SYT1: variants seen among roughly 807,000 people sequenced by gnomAD.
SYT1 encodes synaptotagmin-1.
SYT1 carries 8 observed loss-of-function variants against 44.8 expected under a neutral mutation model. That is an observed-to-expected ratio of 0.18 (90% CI 0.10 to 0.32). SYT1 has a LOEUF of 0.32. Among genes scored for constraint, SYT1 ranks in the 10% least tolerant of loss-of-function variants. SYT1 has a pLI of 1.00. For missense variants in SYT1, 286 were observed against 509.3 expected (o/e 0.56, Z 4.22); for synonymous variants, 154 against 188.8 (o/e 0.82, Z 1.51).
chr12:78,918,488 G>A (rs1592558672), intron 1 of SYT1, among the ~76,000 whole-genome samples: 1 of 152,072 alleles, frequency 6.6e-6, no homozygotes, highest in East Asian at 1.9e-4. Context: ...TGCCCTGTGG[G>A]TATATGAGCT....
At chr12:79,043,969 G>T (rs1433975724) in intron 2 of SYT1, among the ~76,000 whole-genome samples, 2 of 152,134 alleles carry the variant, frequency 1.3e-5, no homozygotes, top group East Asian at 1.9e-4. Context: ...CTCTCTTCTG[G>T]CTTGTAGGGT....
intron 8 of SYT1, among the ~76,000 whole-genome samples, chr12:79,342,656 A>G (rs1882430856): frequency 1.3e-5 from 2 of 152,248 alleles, no homozygotes; most frequent in African/African-American, 4.8e-5. Context: ...GATGGAAACA[A>G]GTGAACTTAT....
At position 79,285,690 on chromosome 12, in the gene SYT1, G is replaced by A. The variant is rs1879274281; in HGVS notation, c.167-97G>A. 9 of 918,642 alleles carry A rather than the reference G, an allele frequency of 9.8e-6. No individual in the cohort carries two copies. The African/African-American group carries it at 1.0e-4, about 10-fold the overall frequency. The allele number at this position is 918,642 out of a possible 1,614,324, so 56.9% of individuals were successfully genotyped here. A position where few individuals can be genotyped will look rare whatever the true frequency, so the allele number is the denominator to read the frequency against. On this transcript the variant is annotated intron_variant, in intron 4 of 10. Coordinates refer to ENST00000261205, the MANE Select transcript of SYT1 (RefSeq NM_005639.3). ...TGCAGCATAACAGGTGCTCAAAAAT[G>A]CAAATGAAAAAAATGAATATCTTTA...
chr12:79,245,350 C>T (rs1289035790), intron 4 of SYT1, among the ~76,000 whole-genome samples: 1 of 149,794 alleles, frequency 6.7e-6, no homozygotes, highest in Non-Finnish European at 1.5e-5. Flanking sequence ...TAGCGGGCGC[C>T]TGTAGTCCCA....
intron 1 of SYT1, among the ~76,000 whole-genome samples, chr12:78,938,773 C>T (rs1031520344): frequency 6.6e-5 from 10 of 152,196 alleles, no homozygotes; most frequent in Non-Finnish European, 1.0e-4. Context: ...GGAAGTATAA[C>T]TCTGTACAGT....
chr12:78,979,028 C>T (rs936197103), intron 2 of SYT1, among the ~76,000 whole-genome samples: 6 of 152,122 alleles, frequency 3.9e-5, no homozygotes, highest in African/African-American at 1.2e-4. Flanking sequence ...CAGTAAGATA[C>T]CACAGTGTAG....
At chr12:78,883,100 A>G (rs551943659) in intron 1 of SYT1, among the ~76,000 whole-genome samples, 1 of 151,852 alleles carries the variant, frequency 6.6e-6, no homozygotes, top group Non-Finnish European at 1.5e-5. Context: ...ATGTCAAAAA[A>G]TCTCTGAGAT....
At chr12:79,068,069 A>G (rs1038333792) in intron 3 of SYT1, among the ~76,000 whole-genome samples, 2 of 152,190 alleles carry the variant, frequency 1.3e-5, no homozygotes, top group African/African-American at 4.8e-5. Flanking sequence ...CAATCTTATC[A>G]ATTTGGGTTG....
At chr12:78,996,493 G>T (rs60166541) in intron 2 of SYT1, among the ~76,000 whole-genome samples, 1,550 of 152,266 alleles carry the variant, frequency 0.01, 33 homozygotes, top group African/African-American at 0.035. Flanking sequence ...TGTTAAAGCC[G>T]TGGGGAAGAG....
At chr12:79,197,421 C>G (rs538130945) in intron 3 of SYT1, among the ~76,000 whole-genome samples, 1 of 152,204 alleles carries the variant, frequency 6.6e-6, no homozygotes, top group South Asian at 2.1e-4. Flanking sequence ...TGGGCTAGCT[C>G]TAAGTGAGCT....
chr12:79,060,983 T>A (rs1452041154), intron 3 of SYT1, among the ~76,000 whole-genome samples: 1 of 152,136 alleles, frequency 6.6e-6, no homozygotes, highest in Non-Finnish European at 1.5e-5. Context: ...CTGTCTTCAT[T>A]TGATTATCTG....
intron 3 of SYT1, among the ~76,000 whole-genome samples, chr12:79,121,896 A>T (rs186855902): frequency 5.5e-4 from 84 of 152,354 alleles, no homozygotes; most frequent in African/African-American, 1.9e-3. Flanking sequence ...ACTAGTGTTT[A>T]TTAAGTTCCT....
intron 9 of SYT1, among the ~76,000 whole-genome samples, chr12:79,358,813 G>T (rs1883209658): frequency 6.6e-6 from 1 of 152,126 alleles, no homozygotes; most frequent in East Asian, 1.9e-4. Context: ...ACTAGAAATG[G>T]AGTCTTCATG....
intron 2 of SYT1, among the ~76,000 whole-genome samples, chr12:78,996,484 G>C (rs757125693): frequency 2.0e-5 from 3 of 152,162 alleles, no homozygotes; most frequent in Non-Finnish European, 4.4e-5. Context: ...TCAGAACTTT[G>C]TTAAAGCCGT....
At chr12:79,278,009 A>G (rs970888923) in intron 4 of SYT1, among the ~76,000 whole-genome samples, 1 of 152,086 alleles carries the variant, frequency 6.6e-6, no homozygotes, top group African/African-American at 2.4e-5. Context: ...TCTCAGATTC[A>G]TGAAACAAAT....
intron 3 of SYT1, among the ~76,000 whole-genome samples, chr12:79,210,957 T>A (rs1874409062): frequency 6.6e-6 from 1 of 151,626 alleles, no homozygotes; most frequent in African/African-American, 2.4e-5. Flanking sequence ...TTTGAAAATC[T>A]GACATTAGGA....
At chr12:79,359,965 T>A (rs1332440059) in intron 9 of SYT1, among the ~76,000 whole-genome samples, 1 of 152,142 alleles carries the variant, frequency 6.6e-6, no homozygotes, top group Admixed American at 6.5e-5. Context: ...CAAAATCACC[T>A]AGGGTACTTA....
intron 3 of SYT1, among the ~76,000 whole-genome samples, chr12:79,183,585 A>T (rs1056708350): frequency 5.3e-5 from 8 of 152,014 alleles, no homozygotes; most frequent in African/African-American, 1.9e-4. Flanking sequence ...TAAAGGGTCT[A>T]TGTGGCTTAA....
At position 79,450,259 on chromosome 12, in the gene SYT1, A is replaced by G. The variant is rs1435023754; in HGVS notation, c.*1135A>G. ...CTTTGTGGTAAACAGACAGTATTGTAATCCCATCAAAAGATGAAAGAAAAA... is the reference window on the plus strand; with the variant it reads ...CTTTGTGGTAAACAGACAGTATTGTGATCCCATCAAAAGATGAAAGAAAAA... On this transcript the variant is annotated 3_prime_UTR_variant, in exon 11 of 11. Coordinates refer to ENST00000261205, the MANE Select transcript of SYT1 (RefSeq NM_005639.3). 6.6e-6 allele frequency: 1 copy of G among 152,632 alleles called. No homozygotes were observed. Among genetic ancestry groups the G allele is most frequent in the African/African-American group, 2.4e-5 (1 of 41,456 alleles). The allele number at this position is 152,632 out of a possible 1,614,324, so 9.5% of individuals were successfully genotyped here.
Sources: allele counts gnomAD v4.1 joint callset (sites outside exome capture counted in the v4.1 genomes callset), GRCh38; gene constraint gnomAD v4.1.1; transcripts MANE v1.5; gene names NCBI Gene and HGNC (gene_info 2026-07-23, HGNC 2026-07-21).